The following ASTN1 variants were observed in gnomAD, a reference collection of about 807,000 sequenced individuals.
The protein encoded by ASTN1 is astrotactin 1, also known as astrotactin-1.
In ASTN1, 41 loss-of-function variants were observed where a neutral mutation model predicts 140.7. The observed-to-expected ratio is 0.29, with a 90% CI of 0.23 to 0.38. The LOEUF (loss-of-function observed/expected upper bound fraction) is 0.38. Ranked by LOEUF, ASTN1 falls within the 10% of genes least tolerant of loss-of-function variation. ASTN1 has a pLI of 1.00. For missense variants in ASTN1, 1,479 were observed against 1,678.8 expected (o/e 0.88, Z 2.08); for synonymous variants, 640 against 652.2 (o/e 0.98, Z 0.29).
At chr1:177,034,553 T>G (rs1350393019) in intron 2 of ASTN1, among the ~76,000 whole-genome samples, 1 of 151,908 alleles carries the variant, frequency 6.6e-6, no homozygotes, top group Non-Finnish European at 1.5e-5. Flanking sequence ...TCCACTCCCA[T>G]CCATCCTGGC....
chr1:176,942,837 T>TA (rs1671788624), intron 14 of ASTN1, among the ~76,000 whole-genome samples: 1 of 27,488 alleles, frequency 3.6e-5, no homozygotes, highest in Non-Finnish European at 7.7e-5. Flanking sequence ...TATATATATG[T>TA]ATATATATAT....
At chr1:176,997,741 A>G (rs1174938379) in intron 8 of ASTN1, among the ~76,000 whole-genome samples, 1 of 152,158 alleles carries the variant, frequency 6.6e-6, no homozygotes, top group East Asian at 1.9e-4. Flanking sequence ...TAGAAATAAG[A>G]CAAGGCACGC....
intron 19 of ASTN1, among the ~76,000 whole-genome samples, chr1:176,884,033 GTTGT>G (rs1478532691): frequency 6.6e-6 from 1 of 152,140 alleles, no homozygotes; most frequent in African/African-American, 2.4e-5. Context: ...GTATTGTATT[GTTGT>G]TTCTTTGTGA....
At chr1:176,937,530 G>T (rs1671500778) in intron 14 of ASTN1, among the ~76,000 whole-genome samples, 1 of 151,988 alleles carries the variant, frequency 6.6e-6, no homozygotes, top group South Asian at 2.1e-4. Flanking sequence ...GTGTCACCCT[G>T]TTTGAATTCT....
intron 11 of ASTN1, 125 bp downstream of exon 11, chr1:176,957,553 C>T: frequency 8.1e-7 from 1 of 1,240,188 alleles, no homozygotes; most frequent in Non-Finnish European, 1.1e-6. Flanking sequence ...CCCTAATTTA[C>T]ACTAAATGGT....
intron 12 of ASTN1, among the ~76,000 whole-genome samples, chr1:176,947,775 C>T (rs1672017689): frequency 6.6e-6 from 1 of 152,200 alleles, no homozygotes; most frequent in Admixed American, 6.5e-5. Flanking sequence ...ATTCTCCTGA[C>T]CATGTGTCCC....
intron 16 of ASTN1, among the ~76,000 whole-genome samples, chr1:176,899,167 C>T (rs760651981): frequency 1.8e-4 from 27 of 152,194 alleles, no homozygotes; most frequent in African/African-American, 6.5e-4. Flanking sequence ...ATGTCATTTG[C>T]TTTAGGCTAA....
intron 16 of ASTN1, among the ~76,000 whole-genome samples, chr1:176,925,537 A>G (rs1463670409): frequency 2.6e-5 from 4 of 152,206 alleles, no homozygotes; most frequent in Non-Finnish European, 5.9e-5. Context: ...TATTCCAACA[A>G]CTGTGTCATC....
In ASTN1 at chr1:176,863,400, T is replaced by C. The variant is rs1040674895; in HGVS notation, c.*884A>G. On this transcript the variant is annotated 3_prime_UTR_variant, in exon 23 of 23. Transcript: ENST00000361833. ...GGGGGTTAAAGATAATCCAGGCACA[T>C]GGATATATATTGGTAGGCTGGAGAA... 13 of 985,780 alleles carry C rather than the reference T, an allele frequency of 1.3e-5. No individual in the cohort carries two copies. The Admixed American group carries it at 6.8e-4, about 51-fold the overall frequency. The allele number at this position is 985,780 out of a possible 1,614,324, so 61.1% of individuals were successfully genotyped here. A position where few individuals can be genotyped will look rare whatever the true frequency, so the allele number is the denominator to read the frequency against.
At chr1:176,927,396 T>C (rs960405887) in intron 16 of ASTN1, among the ~76,000 whole-genome samples, 1 of 151,866 alleles carries the variant, frequency 6.6e-6, no homozygotes, top group East Asian at 1.9e-4. Context: ...GAAAGTGATA[T>C]TGGAAAAGGA....
chr1:177,083,129 A>G (rs1021516490), intron 1 of ASTN1, among the ~76,000 whole-genome samples: 3 of 152,030 alleles, frequency 2.0e-5, no homozygotes, highest in African/African-American at 7.3e-5. Flanking sequence ...ATTTTATTAC[A>G]TTTGTACCGA....
chr1:177,050,509 G>A (rs139640501), intron 2 of ASTN1, among the ~76,000 whole-genome samples: 22 of 152,282 alleles, frequency 1.4e-4, no homozygotes, highest in African/African-American at 5.3e-4. Flanking sequence ...AGCAGTGATA[G>A]AGGTATCATC....
At chr1:177,062,426 G>T (rs1267959988) in intron 1 of ASTN1, among the ~76,000 whole-genome samples, 1 of 151,110 alleles carries the variant, frequency 6.6e-6, no homozygotes, top group Non-Finnish European at 1.5e-5. Flanking sequence ...TTTATTTTTT[G>T]TAGAGACAGG....
intron 2 of ASTN1, among the ~76,000 whole-genome samples, chr1:177,035,924 A>ACAGAAGATT (rs1266133255): frequency 6.6e-6 from 1 of 152,206 alleles, no homozygotes. Context: ...GGGAGCTAGA[A>ACAGAAGATT]CAGAAGATTT....
chr1:176,943,320 G>T (rs1671818451), intron 14 of ASTN1, among the ~76,000 whole-genome samples: 1 of 152,056 alleles, frequency 6.6e-6, no homozygotes, highest in Admixed American at 6.5e-5. Flanking sequence ...GAAGAATACT[G>T]CTGGGCTCAA....
chr1:176,958,995 G>T (rs1279923280), intron 9 of ASTN1, among the ~76,000 whole-genome samples: 3 of 152,124 alleles, frequency 2.0e-5, no homozygotes, highest in African/African-American at 7.2e-5. Flanking sequence ...CCTCCAGGGA[G>T]GAGAGAAGAG....
chr1:177,113,504 C>A (rs1490715971), intron 1 of ASTN1, among the ~76,000 whole-genome samples: 2 of 152,234 alleles, frequency 1.3e-5, no homozygotes, highest in Non-Finnish European at 2.9e-5. Context: ...TCCTTGCCTT[C>A]TTCCACTACC....
chr1:177,123,646 C>T (rs570321418), intron 1 of ASTN1, among the ~76,000 whole-genome samples: 1 of 152,302 alleles, frequency 6.6e-6, no homozygotes, highest in African/African-American at 2.4e-5. Context: ...CAGTGGGCTA[C>T]TGGGTGGCCC....
Position 177,030,825 on chromosome 1 carries a change from C to A in ASTN1, c.993G>T (p.Arg331=). Residue 331 remains arginine, a synonymous_variant, in exon 4 of 23, where the codon CGG becomes CGT. Coordinates refer to ENST00000361833, the MANE Select transcript of ASTN1 (RefSeq NM_004319.3). ...GCATACCTCTTGCTTTGTTGTTGAT[C>A]CGCTTTCTCTGGCTGCTGGAGGTGT... The part of the protein sequence containing the change: ...LSHTSSSQRK[R]INNKARAGSA... 6.2e-7 allele frequency: 1 copy of A among 1,614,108 alleles called. No individual in the cohort carries two copies. Among genetic ancestry groups the A allele is most frequent in the Non-Finnish European group, 8.5e-7 (1 of 1,180,008 alleles).
Sources: gnomAD v4.1 joint callset for allele counts (sites outside exome capture counted in the v4.1 genomes callset) on GRCh38, gnomAD v4.1.1 for gene constraint, MANE v1.5 for transcripts, NCBI Gene and HGNC (gene_info 2026-07-23, HGNC 2026-07-21) for gene names.